TAGLN: variants seen among roughly 807,000 people sequenced by gnomAD.
TAGLN encodes the protein 22 kDa actin-binding protein.
TAGLN carries 16 observed loss-of-function variants against 21.9 expected under a neutral mutation model. That is an observed-to-expected ratio of 0.73 (90% confidence interval 0.49 to 1.11). TAGLN has a LOEUF of 1.11. Among genes scored for constraint, TAGLN ranks in the 50% least tolerant of loss-of-function variants. The probability of loss-of-function intolerance (pLI) is 0.00; values close to 1 mark genes in which losing one functional copy is unlikely to be tolerated. For synonymous variants in TAGLN, 96 were observed against 94.9 expected (o/e 1.01, Z -0.06); for missense variants, 248 against 263.2 (o/e 0.94, Z 0.40).
Position 117,205,791 on chromosome 11 carries a change from G to A in TAGLN, c.*1432G>A, listed in dbSNP as rs1008065362. 9.6e-5 allele frequency: 43 copies of A among 450,180 alleles called. No individual in the cohort carries two copies. The highest frequency in any genetic ancestry group is 1.2e-3 in the Middle Eastern group (2 of 1,712). 27.9% of individuals were successfully genotyped at this position (450,180 alleles called of 1,614,324 possible). A position where few individuals can be genotyped will look rare whatever the true frequency, so the allele number is the denominator to read the frequency against. On this transcript the variant is annotated 3_prime_UTR_variant, in exon 5 of 5. Transcript: ENST00000392951. ...CAACACCTTCTCACCAAAAGCTCCC[G>A]TTTGGCTGGAGGCAGACCCTGTGGC...
In TAGLN at chr11:117,204,318, G is replaced by GGCAT; in HGVS notation, c.567_570dup (p.Thr191HisfsTer35). ...CAGCAACAGAGGGGCCTCCCAGGCC[G>GGCAT]GCATGACAGGCTACGGACGACCTCG... On this transcript the variant is annotated frameshift_variant, in exon 5 of 5. Transcript: ENST00000392951. LOFTEE classifies it high-confidence loss of function. The GGCAT allele has an allele frequency of 6.2e-7, 1 of 1,614,236 alleles. No individual in the cohort carries two copies. The highest frequency in any genetic ancestry group is 8.5e-7 in the Non-Finnish European group (1 of 1,180,040).
chr11:117,204,133 C>T, intron 4 of TAGLN, 82 bp from the exon 5 acceptor site: 1 of 1,589,822 alleles, frequency 6.3e-7, no homozygotes, highest in Non-Finnish European at 8.6e-7. Flanking sequence ...TGGGATTGGG[C>T]TAGGACGTAA....
Position 117,204,799 on chromosome 11 carries a change from G to A in TAGLN, c.*440G>A, listed in dbSNP as rs1376149192. 9.7e-6 allele frequency: 3 copies of A among 310,560 alleles called. No individual in the cohort carries two copies. Among genetic ancestry groups the A allele is most frequent in the East Asian group, 1.3e-4 (2 of 15,938 alleles). 19.2% of individuals were successfully genotyped at this position (310,560 alleles called of 1,614,324 possible). On this transcript the variant is annotated 3_prime_UTR_variant, in exon 5 of 5. Coordinates refer to ENST00000392951, the MANE Select transcript of TAGLN (RefSeq NM_003186.5). ...AAAAATCAATCTTTTCTCAGGCCTG[G>A]CTGGCAGAGTTTGATTTGCCCTGGT...
In TAGLN at chr11:117,205,232, C is replaced by A. The variant is rs574541542; in HGVS notation, c.*873C>A. ...GGTTGAGAGAAGAGTCACAGCCTGT[C>A]AGGCAGATAGCTGGCCTCCGGCGGG... On this transcript the variant is annotated 3_prime_UTR_variant, in exon 5 of 5. Transcript: ENST00000392951. The A allele has an allele frequency of 5.6e-5, 13 of 233,722 alleles. No individual in the cohort carries two copies. In the Middle Eastern group the frequency reaches 3.8e-3, roughly 69 times the overall value. The allele number at this position is 233,722 out of a possible 1,614,324, so 14.5% of individuals were successfully genotyped here.
chr11:117,202,298 T>C (rs2031131741), intron 1 of TAGLN: 1 of 152,266 alleles, frequency 6.6e-6, no homozygotes, highest in Admixed American at 6.5e-5. Context: ...TTTGGTGGCT[T>C]CGTCGCCCTT....
In TAGLN at chr11:117,204,625, C is replaced by A. The variant is rs1238218477; in HGVS notation, c.*266C>A. The A allele has an allele frequency of 1.8e-6, 1 of 557,654 alleles. No homozygotes were observed. The highest frequency in any genetic ancestry group is 3.3e-6 in the Non-Finnish European group (1 of 301,646). 34.5% of individuals were successfully genotyped at this position (557,654 alleles called of 1,614,324 possible). On this transcript the variant is annotated 3_prime_UTR_variant, in exon 5 of 5. Transcript: ENST00000392951. The stretch of plus-strand genomic sequence containing the variant: ...TCTACTGTCTCCTCCCTGGGCTAAG[C>A]AGGGGAGAAGCGGGCTGGGGGTAGC...
In TAGLN at chr11:117,205,012, C is replaced by T. The variant is rs2134274730; in HGVS notation, c.*653C>T. The T allele has an allele frequency of 4.9e-6, 1 of 202,344 alleles. No homozygotes were observed. Among genetic ancestry groups the T allele is most frequent in the African/African-American group, 2.3e-5 (1 of 43,548 alleles). The allele number at this position is 202,344 out of a possible 1,614,324, so 12.5% of individuals were successfully genotyped here. ...GGGGACCGAAGGGAAAAAGGAGCCA[C>T]TCAGCAGCATGCAGTGGCTTTGGGG... On this transcript the variant is annotated 3_prime_UTR_variant, in exon 5 of 5. Coordinates refer to ENST00000392951, the MANE Select transcript of TAGLN (RefSeq NM_003186.5).
chr11:117,200,496 C>T (rs1046095996), intron 1 of TAGLN, among the ~76,000 whole-genome samples: 1 of 152,148 alleles, frequency 6.6e-6, no homozygotes, highest in African/African-American at 2.4e-5. Flanking sequence ...CTTGAGATGC[C>T]CCTGGGGGGG....
At chr11:117,199,563 C>G (rs576911209) in intron 1 of TAGLN, 131 bp downstream of exon 1, 1 of 152,464 alleles carries the variant, frequency 6.6e-6, no homozygotes, top group Admixed American at 6.5e-5. Context: ...AACCCACCCT[C>G]TCAGTCAGCA....
intron 4 of TAGLN, 79 bp from the exon 5 acceptor site, chr11:117,204,136 G>C: frequency 6.3e-7 from 1 of 1,595,102 alleles, no homozygotes; most frequent in Non-Finnish European, 8.6e-7. Flanking sequence ...GATTGGGCTA[G>C]GACGTAACAG....
In TAGLN at chr11:117,204,798, G is replaced by T; in HGVS notation, c.*439G>T. 3.2e-6 allele frequency: 1 copy of T among 311,082 alleles called. No homozygotes were observed. The allele number at this position is 311,082 out of a possible 1,614,324, so 19.3% of individuals were successfully genotyped here. On this transcript the variant is annotated 3_prime_UTR_variant, in exon 5 of 5. Transcript: ENST00000392951. ...AAAAAATCAATCTTTTCTCAGGCCT[G>T]GCTGGCAGAGTTTGATTTGCCCTGG...
At chr11:117,200,062 A>C (rs373053555) in intron 1 of TAGLN, among the ~76,000 whole-genome samples, 1 of 148,602 alleles carries the variant, frequency 6.7e-6, no homozygotes, top group African/African-American at 2.4e-5. Context: ...GGGGGCGGGT[A>C]CTGCCAAGGA....
chr11:117,204,377 C>T lies in TAGLN; in HGVS notation c.*18C>T. The T allele has an allele frequency of 6.2e-7, 1 of 1,614,204 alleles. No homozygotes were observed. Among genetic ancestry groups the T allele is most frequent in the Non-Finnish European group, 8.5e-7 (1 of 1,180,014 alleles). ...TCAGTTAGAGCGGAGAGGGCTAGCC[C>T]TGAGCCCGGCCCTCCCCCAGCTCCT... is the stretch of plus-strand genomic sequence containing the variant. On this transcript the variant is annotated 3_prime_UTR_variant, in exon 5 of 5. Transcript: ENST00000392951.
At position 117,206,394 on chromosome 11, in the gene TAGLN, C is replaced by A. The variant is rs375947908; in HGVS notation, c.*2035C>A. 95 of 1,578,898 alleles carry A rather than the reference C, an allele frequency of 6.0e-5. No individual in the cohort carries two copies. Among genetic ancestry groups the A allele is most frequent in the Non-Finnish European group, 8.0e-5 (93 of 1,161,146 alleles). ...CAAGCACCTACGTGAGGCACTGTTT[C>A]CCGAAGCCTACAGCCTTTCTCAGCC... is the stretch of plus-strand genomic sequence containing the variant. On this transcript the variant is annotated 3_prime_UTR_variant, in exon 5 of 5. Coordinates refer to ENST00000392951, the MANE Select transcript of TAGLN (RefSeq NM_003186.5).
intron 4 of TAGLN, 107 bp from the exon 5 acceptor site, chr11:117,204,108 G>A (rs1239276483): frequency 2.6e-6 from 4 of 1,518,490 alleles, no homozygotes; most frequent in Non-Finnish European, 3.6e-6. Flanking sequence ...GAAAAAAAGT[G>A]CAACAGGAAG....
Position 117,203,008 on chromosome 11 carries a change from C to G in TAGLN, c.-6C>G, listed in dbSNP as rs769118435. ...CCACCCTGGCCTGCTTTAGCTTTCC[C>G]CAGACATGGCCAACAAGGGTCCTTC... On this transcript the variant is annotated 5_prime_UTR_variant, in exon 2 of 5. Transcript: ENST00000392951. The surrounding 1 kb of genome is among the most constrained non-coding windows in gnomAD (Gnocchi z 4.4). 2.6e-6 allele frequency: 4 copies of G among 1,551,660 alleles called. No individual in the cohort carries two copies. Among genetic ancestry groups the G allele is most frequent in the Non-Finnish European group, 3.5e-6 (4 of 1,147,552 alleles).
rs1427375217 is a variant in TAGLN at position 117,203,987 on chromosome 11, A to G, written c.461+103A>G. The G allele has an allele frequency of 8.4e-7, 1 of 1,188,554 alleles. No homozygotes were observed. The highest frequency in any genetic ancestry group is 1.2e-6 in the Non-Finnish European group (1 of 814,186). The allele number at this position is 1,188,554 out of a possible 1,614,324, so 73.6% of individuals were successfully genotyped here. On this transcript the variant is annotated intron_variant, in intron 4 of 4. Coordinates refer to ENST00000392951, the MANE Select transcript of TAGLN (RefSeq NM_003186.5). The surrounding 1 kb of genome is among the most constrained non-coding windows in gnomAD (Gnocchi z 4.4). The stretch of plus-strand genomic sequence containing the variant: ...AGGGGAAGCAGATAGCCAAGAAAGG[A>G]TAAAGTGAGGGTCTGGGATGGGGAA...
chr11:117,203,312 G>C lies in TAGLN; in HGVS notation c.186G>C (p.Leu62=), dbSNP rs778015450. 2 of 1,614,102 alleles carry C rather than the reference G, an allele frequency of 1.2e-6. No homozygotes were observed. Among genetic ancestry groups the C allele is most frequent in the African/African-American group, 2.7e-5 (2 of 75,032 alleles). The change falls in exon 3 of 5, where the codon CTG becomes CTC. Residue 62 remains leucine, a synonymous_variant. Transcript: ENST00000392951. The surrounding 1 kb of genome is among the most constrained non-coding windows in gnomAD (Gnocchi z 4.4). ...FQVWLKNGVI[L]SKLVNSLYPD... ...CTATGCCCTATGCCTGGTAGATTCTGAGCAAGCTGGTGAACAGCCTGTACC... is the reference window on the plus strand; with the variant it reads ...CTATGCCCTATGCCTGGTAGATTCTCAGCAAGCTGGTGAACAGCCTGTACC...
chr11:117,205,225 A>C lies in TAGLN; in HGVS notation c.*866A>C. The stretch of plus-strand genomic sequence containing the variant: ...AGGCCAAGGTTGAGAGAAGAGTCAC[A>C]GCCTGTCAGGCAGATAGCTGGCCTC... On this transcript the variant is annotated 3_prime_UTR_variant, in exon 5 of 5. Transcript: ENST00000392951. 1 of 233,668 alleles carries C rather than the reference A, an allele frequency of 4.3e-6. No individual in the cohort carries two copies. Among genetic ancestry groups the C allele is most frequent in the Non-Finnish European group, 8.5e-6 (1 of 117,980 alleles). The allele number at this position is 233,668 out of a possible 1,614,324, so 14.5% of individuals were successfully genotyped here. A position where few individuals can be genotyped will look rare whatever the true frequency, so the allele number is the denominator to read the frequency against.
Sources: allele counts gnomAD v4.1 joint callset (sites outside exome capture counted in the v4.1 genomes callset), GRCh38; gene constraint gnomAD v4.1.1; non-coding constraint Gnocchi (gnomAD v3.1); transcripts MANE v1.5; gene names NCBI Gene and HGNC (gene_info 2026-07-23, HGNC 2026-07-21).